PTPN4: variants seen among roughly 807,000 people sequenced by gnomAD.
PTPN4 encodes protein tyrosine phosphatase non-receptor type 4.
PTPN4 carries 49 observed loss-of-function variants against 135.5 expected under a neutral mutation model. The ratio of observed to expected loss-of-function variants is 0.36; its 90% CI spans 0.29 to 0.46. The LOEUF is 0.46. PTPN4 is among the 20% of genes least tolerant of loss of function. The pLI is 1.00. For synonymous variants in PTPN4, 333 were observed against 369.9 expected (o/e 0.90, Z 1.14); for missense variants, 860 against 1,101.0 (o/e 0.78, Z 3.10).
intron 26 of PTPN4, among the ~76,000 whole-genome samples, chr2:119,970,232 G>A (rs763837995): frequency 6.6e-6 from 1 of 151,776 alleles, no homozygotes; most frequent in Non-Finnish European, 1.5e-5. Context: ...GCTAATTTTT[G>A]TATTTTTAGT....
At chr2:119,773,516 T>A (rs1690772047) in intron 1 of PTPN4, among the ~76,000 whole-genome samples, 1 of 152,080 alleles carries the variant, frequency 6.6e-6, no homozygotes, top group South Asian at 2.1e-4. Flanking sequence ...GGCAGGTGGA[T>A]CACGAGGTCA....
chr2:119,968,128 A>G (rs10194955), intron 26 of PTPN4, among the ~76,000 whole-genome samples, 156 bp downstream of exon 26: 150,723 of 152,314 alleles, frequency 0.99, 74,598 homozygotes, highest in Middle Eastern at 1. Flanking sequence ...ACTACTGCCC[A>G]CTAGTCAAAT....
chr2:119,917,141 T>C (rs1201839637), intron 11 of PTPN4, among the ~76,000 whole-genome samples: 8 of 152,332 alleles, frequency 5.3e-5, no homozygotes, highest in South Asian at 4.1e-4. Context: ...ATAATAGTTA[T>C]AATATCCAGC....
At chr2:119,816,063 A>G (rs1225783767) in intron 2 of PTPN4, among the ~76,000 whole-genome samples, 1 of 152,210 alleles carries the variant, frequency 6.6e-6, no homozygotes, top group Non-Finnish European at 1.5e-5. Flanking sequence ...AGGTGATTTC[A>G]TCATTGTGTT....
intron 16 of PTPN4, among the ~76,000 whole-genome samples, chr2:119,945,598 T>G: frequency 1.2e-5 from 1 of 86,002 alleles, no homozygotes; most frequent in Non-Finnish European, 2.8e-5. Flanking sequence ...TAAAGTATAA[T>G]AATAATAAAA....
At chr2:119,924,677 T>C (rs2105031883) in intron 12 of PTPN4, among the ~76,000 whole-genome samples, 1 of 152,118 alleles carries the variant, frequency 6.6e-6, no homozygotes, top group Middle Eastern at 3.4e-3. Flanking sequence ...GTCTGTATTA[T>C]GGACAATATG....
intron 2 of PTPN4, among the ~76,000 whole-genome samples, chr2:119,832,799 A>G (rs1574358526): frequency 6.6e-6 from 1 of 151,982 alleles, no homozygotes; most frequent in Admixed American, 6.5e-5. Context: ...AGGTTTTTGC[A>G]TCTCTATTCC....
At chr2:119,799,263 A>G (rs1171394061) in intron 1 of PTPN4, among the ~76,000 whole-genome samples, 1 of 152,248 alleles carries the variant, frequency 6.6e-6, no homozygotes, top group African/African-American at 2.4e-5. Flanking sequence ...GAAATGCTGA[A>G]AAGTTATAAA....
chr2:119,844,934 T>C (rs1677464931), intron 2 of PTPN4, among the ~76,000 whole-genome samples: 1 of 151,018 alleles, frequency 6.6e-6, no homozygotes, highest in African/African-American at 2.4e-5. Context: ...TGAGCCGAGA[T>C]CACGCCACTG....
rs375431308 is a variant in PTPN4, at chr2:119,932,086, T to C, written c.1071-338T>C. ...GATACTCTGGAATAGAAGTAGGTAGTATCTGTCTTGTCAGTAACATCTGAG... is the reference window on the plus strand; with the variant it reads ...GATACTCTGGAATAGAAGTAGGTAGCATCTGTCTTGTCAGTAACATCTGAG... On this transcript the variant is annotated intron_variant, in intron 13 of 26. Transcript: ENST00000263708. Among the ~76,000 whole-genome samples, 223 of 152,358 alleles carry C rather than the reference T, an allele frequency of 1.5e-3. 1 individual carries two copies. The highest frequency in any genetic ancestry group is 4.7e-3 in the African/African-American group (196 of 41,588).
chr2:119,790,765 ATTGT>A (rs2104935072), intron 1 of PTPN4, among the ~76,000 whole-genome samples: 1 of 152,018 alleles, frequency 6.6e-6, no homozygotes, highest in South Asian at 2.1e-4. Context: ...TTCATCTATT[ATTGT>A]TTGTTTGTTG....
At chr2:119,876,699 A>T (rs1190260376) in intron 3 of PTPN4, among the ~76,000 whole-genome samples, 1 of 152,124 alleles carries the variant, frequency 6.6e-6, no homozygotes, top group Non-Finnish European at 1.5e-5. Flanking sequence ...GAAGTATTGA[A>T]ACTGCTTAAA....
chr2:119,885,960 C>CTTATTCCATTTGTTATCT, intron 9 of PTPN4, 78 bp downstream of exon 9: 1 of 982,548 alleles, frequency 1.0e-6, no homozygotes, highest in Non-Finnish European at 1.5e-6. Context: ...GATTAGATAA[C>CTTATTCCATTTGTTATCT]AAATGGAATA....
intron 8 of PTPN4, among the ~76,000 whole-genome samples, chr2:119,885,413 G>A (rs945458013): frequency 1.3e-5 from 2 of 152,110 alleles, no homozygotes; most frequent in Non-Finnish European, 2.9e-5. Flanking sequence ...CCTGGAGGTT[G>A]GCTTAGAATC....
intron 2 of PTPN4, among the ~76,000 whole-genome samples, chr2:119,851,978 A>G (rs140468351): frequency 2.6e-5 from 4 of 152,220 alleles, no homozygotes; most frequent in Admixed American, 1.3e-4. Flanking sequence ...AAAATGATCT[A>G]TTTCATATTA....
chr2:119,806,647 T>C (rs1199744399), intron 1 of PTPN4, among the ~76,000 whole-genome samples: 3 of 152,162 alleles, frequency 2.0e-5, no homozygotes, highest in Admixed American at 2.0e-4. Context: ...AACACCCTAC[T>C]GTCAACATTA....
chr2:119,801,856 G>T (rs1691378061), intron 1 of PTPN4, among the ~76,000 whole-genome samples: 1 of 140,172 alleles, frequency 7.1e-6, no homozygotes, highest in South Asian at 2.3e-4. Flanking sequence ...ATTTATTCCT[G>T]TATGCTATTT....
intron 18 of PTPN4, among the ~76,000 whole-genome samples, chr2:119,949,066 A>G (rs1274951060): frequency 6.6e-6 from 1 of 152,198 alleles, no homozygotes; most frequent in Non-Finnish European, 1.5e-5. Flanking sequence ...ATAGTTTTCA[A>G]TTAAGTCAAG....
chr2:119,824,035 C>T (rs750919837), intron 2 of PTPN4, among the ~76,000 whole-genome samples: 3 of 152,178 alleles, frequency 2.0e-5, no homozygotes, highest in Non-Finnish European at 4.4e-5. Context: ...TCCAAATTCC[C>T]GCTAGACTTC....
Sources: allele counts gnomAD v4.1 joint callset (sites outside exome capture counted in the v4.1 genomes callset), GRCh38; gene constraint gnomAD v4.1.1; transcripts MANE v1.5; gene names NCBI Gene and HGNC (gene_info 2026-07-23, HGNC 2026-07-21).